NRXN3: variants seen among roughly 807,000 people sequenced by gnomAD.
The protein encoded by NRXN3 is neurexin III.
Under a neutral mutation model 137.6 loss-of-function variants are expected in NRXN3, and 32 were observed. The ratio of observed to expected loss-of-function variants is 0.23; its 90% CI spans 0.18 to 0.31. The LOEUF is 0.31. Ranked by LOEUF, NRXN3 falls within the 10% of genes least tolerant of loss-of-function variation. The probability of loss-of-function intolerance (pLI) is 1.00; values close to 1 mark genes in which losing one functional copy is unlikely to be tolerated. For missense variants in NRXN3, 1,574 were observed against 2,062.5 expected, an observed-to-expected ratio of 0.76 and a Z score of 4.59; for synonymous variants, 798 against 784.5, an observed-to-expected ratio of 1.02 and a Z score of -0.29.
intron 15 of NRXN3, among the ~76,000 whole-genome samples, chr14:79,049,055 A>G (rs2099637715): frequency 2.1e-5 from 1 of 48,628 alleles, no homozygotes; most frequent in African/African-American, 6.7e-5. Flanking sequence ...AAAAAAAAAA[A>G]AAAAAAAAAA....
intron 15 of NRXN3, among the ~76,000 whole-genome samples, chr14:79,120,080 G>C (rs1477622251): frequency 6.6e-6 from 1 of 152,038 alleles, no homozygotes; most frequent in Non-Finnish European, 1.5e-5. Flanking sequence ...TAAAAATGAA[G>C]AGTGATGTTG....
In NRXN3 at chr14:78,268,437, A is replaced by T. The variant is rs1369142988; in HGVS notation, c.710-10208A>T. Among the ~76,000 whole-genome samples, 6 of 152,204 alleles carry T rather than the reference A, an allele frequency of 3.9e-5. No individual in the cohort carries two copies. The East Asian group carries it at 9.6e-4, about 24-fold the overall frequency. ...CCACGCAGCATTGGACGTTGTACAT[A>T]CAACAATGCACATTATACTCTAAAA... On this transcript the variant is annotated intron_variant, in intron 2 of 20. Coordinates refer to ENST00000335750, the MANE Select transcript of NRXN3 (RefSeq NM_001330195.2).
intron 10 of NRXN3, among the ~76,000 whole-genome samples, chr14:78,949,966 A>C (rs976463100): frequency 3.9e-5 from 6 of 152,186 alleles, no homozygotes; most frequent in Non-Finnish European, 8.8e-5. Context: ...CCTCGTTAGA[A>C]TCTCTTTAGC....
In NRXN3 at chr14:78,257,668, G is replaced by T. The variant is rs532597963; in HGVS notation, c.709+13866G>T. ...CGGTAGTCAATGTGGTTGGACCAAA[G>T]AATTGAGGCCAATGGGATAGTAACG... On this transcript the variant is annotated intron_variant, in intron 2 of 20. Coordinates refer to ENST00000335750, the MANE Select transcript of NRXN3 (RefSeq NM_001330195.2). Among the ~76,000 whole-genome samples, 71 of 152,358 alleles carry T rather than the reference G, an allele frequency of 4.7e-4. No individual in the cohort carries two copies. In the South Asian group the frequency reaches 0.015, roughly 31 times the overall value.
At chr14:79,104,678 G>C (rs2052035057) in intron 15 of NRXN3, among the ~76,000 whole-genome samples, 1 of 152,050 alleles carries the variant, frequency 6.6e-6, no homozygotes, top group African/African-American at 2.4e-5. Flanking sequence ...TCATTAGATG[G>C]CTATTTCTCT....
At chr14:78,521,338 A>G (rs2096281327) in intron 4 of NRXN3, among the ~76,000 whole-genome samples, 1 of 152,188 alleles carries the variant, frequency 6.6e-6, no homozygotes, top group Non-Finnish European at 1.5e-5. Flanking sequence ...TTCTCTCCAA[A>G]GAATGTATTT....
intron 17 of NRXN3, among the ~76,000 whole-genome samples, chr14:79,679,746 G>A (rs1370518058): frequency 6.6e-6 from 1 of 152,242 alleles, no homozygotes; most frequent in African/African-American, 2.4e-5. Flanking sequence ...CGGAATCTGG[G>A]TGCCAGATAA....
chr14:78,748,237 A>G (rs2098622224), intron 8 of NRXN3, among the ~76,000 whole-genome samples: 1 of 152,186 alleles, frequency 6.6e-6, no homozygotes. Context: ...CCAGGATTTC[A>G]GGTCACCTAT....
At chr14:79,775,477 A>G (rs2099093835) in intron 19 of NRXN3, among the ~76,000 whole-genome samples, 1 of 151,202 alleles carries the variant, frequency 6.6e-6, no homozygotes, top group Non-Finnish European at 1.5e-5. Flanking sequence ...TAAATTATTC[A>G]TAGGGAAAGA....
intron 15 of NRXN3, among the ~76,000 whole-genome samples, chr14:79,427,787 G>A (rs918571433): frequency 2.0e-5 from 3 of 147,282 alleles, no homozygotes; most frequent in African/African-American, 7.5e-5. Flanking sequence ...AGCTGAGATC[G>A]CACCACTGCA....
At chr14:79,669,547 G>A (rs537606782) in intron 17 of NRXN3, among the ~76,000 whole-genome samples, 22 of 151,962 alleles carry the variant, frequency 1.4e-4, no homozygotes, top group Non-Finnish European at 2.4e-4. Context: ...GTTTGTCTTC[G>A]GTTAACAAAA....
chr14:78,494,821 T>C (rs2095743013), intron 4 of NRXN3, among the ~76,000 whole-genome samples: 2 of 152,106 alleles, frequency 1.3e-5, no homozygotes. Context: ...ATCCCATCAT[T>C]TTCTCTTTAA....
chr14:79,754,537 T>TAC (rs1401153455), intron 19 of NRXN3, among the ~76,000 whole-genome samples: 4 of 93,178 alleles, frequency 4.3e-5, no homozygotes, highest in Non-Finnish European at 7.8e-5. Context: ...TATATATATA[T>TAC]ATATATATAT....
intron 20 of NRXN3, among the ~76,000 whole-genome samples, chr14:79,849,054 C>T (rs12894497): frequency 0.75 from 114,749 of 152,008 alleles, 43,640 homozygotes; most frequent in East Asian, 0.95. Context: ...CTCTCTTCCC[C>T]ACACCCAGTC....
chr14:79,829,070 A>G (rs1409759964), intron 20 of NRXN3, among the ~76,000 whole-genome samples: 7 of 152,184 alleles, frequency 4.6e-5, no homozygotes, highest in Non-Finnish European at 1.5e-5. Context: ...CTTGTTCAAT[A>G]TGTAATTTTG....
intron 10 of NRXN3, among the ~76,000 whole-genome samples, chr14:78,894,375 C>T (rs1198211211): frequency 6.6e-6 from 1 of 151,934 alleles, no homozygotes; most frequent in Non-Finnish European, 1.5e-5. Context: ...TAAGAAACTA[C>T]TTTCTTTGCT....
At chr14:79,400,905 C>A (rs933099345) in intron 15 of NRXN3, among the ~76,000 whole-genome samples, 3 of 152,134 alleles carry the variant, frequency 2.0e-5, no homozygotes, top group African/African-American at 2.4e-5. Context: ...GTGTTCCTAA[C>A]TTATGAGCAG....
At chr14:79,687,558 CA>C (rs2098700384) in intron 17 of NRXN3, among the ~76,000 whole-genome samples, 1 of 152,088 alleles carries the variant, frequency 6.6e-6, no homozygotes, top group Non-Finnish European at 1.5e-5. Context: ...TTTTTAGTGT[CA>C]ACAAAGCAAT....
intron 10 of NRXN3, among the ~76,000 whole-genome samples, chr14:78,827,390 C>T (rs1282655242): frequency 6.6e-6 from 1 of 151,952 alleles, no homozygotes; most frequent in East Asian, 1.9e-4. Flanking sequence ...TTTTTCCTAA[C>T]ATATGGACGC....
Sources: gnomAD v4.1 joint callset for allele counts (sites outside exome capture counted in the v4.1 genomes callset) on GRCh38, gnomAD v4.1.1 for gene constraint, MANE v1.5 for transcripts, NCBI Gene and HGNC (gene_info 2026-07-23, HGNC 2026-07-21) for gene names.